CADM2: variants seen among roughly 807,000 people sequenced by gnomAD.
The protein encoded by CADM2 is immunoglobulin superfamily member 4D.
CADM2 carries 12 observed loss-of-function variants against 49.8 expected under a neutral mutation model. The ratio of observed to expected loss-of-function variants is 0.24; its 90% CI spans 0.15 to 0.39. The LOEUF (loss-of-function observed/expected upper bound fraction) is 0.39. CADM2 is among the 10% of genes least tolerant of loss of function. The pLI, the probability that CADM2 is intolerant of heterozygous loss-of-function variation, is 1.00. For synonymous variants in CADM2, 214 were observed against 175.4 expected (o/e 1.22, Z -1.74); for missense variants, 378 against 492.3 (o/e 0.77, Z 2.20).
In CADM2 at chr3:85,541,775, T is replaced by TATATATATATATA. The variant is rs1559897737; in HGVS notation, c.62-184747_62-184746insATATATATATATA. 1.4e-3 allele frequency among the ~76,000 whole-genome samples: 126 copies of TATATATATATATA among 88,296 alleles called. 7 individuals are homozygous for TATATATATATATA. Among genetic ancestry groups the TATATATATATATA allele is most frequent in the South Asian group, 6.9e-3 (19 of 2,770 alleles). The allele number at this position is 88,296 out of a possible 152,430, so 57.9% of individuals were successfully genotyped here. On this transcript the variant is annotated intron_variant, in intron 1 of 9. Coordinates refer to ENST00000383699, the MANE Select transcript of CADM2 (RefSeq NM_001167675.2). The stretch of plus-strand genomic sequence containing the variant: ...ATATTTTATATATATATTTTATATT[T>TATATATATATATA]TATATATATATATATATATGTATAG...
At chr3:85,617,452 C>T (rs969312224) in intron 1 of CADM2, among the ~76,000 whole-genome samples, 1 of 152,096 alleles carries the variant, frequency 6.6e-6, no homozygotes, top group African/African-American at 2.4e-5. Flanking sequence ...TTGCAGTAGC[C>T]CACCATCTCC....
At chr3:85,044,204 C>G (rs975293812) in intron 1 of CADM2, among the ~76,000 whole-genome samples, 1 of 152,112 alleles carries the variant, frequency 6.6e-6, no homozygotes, top group Non-Finnish European at 1.5e-5. Flanking sequence ...AAAATTTGTG[C>G]ATTCCATATG....
intron 1 of CADM2, among the ~76,000 whole-genome samples, chr3:85,475,741 G>A (rs935022290): frequency 1.3e-5 from 2 of 151,790 alleles, no homozygotes; most frequent in African/African-American, 4.8e-5. Context: ...TGCTCAGAGA[G>A]CAAAAACAAA....
chr3:85,151,046 C>CTGTGAG (rs2039906826), intron 1 of CADM2, among the ~76,000 whole-genome samples: 1 of 151,878 alleles, frequency 6.6e-6, no homozygotes, highest in Admixed American at 6.6e-5. Flanking sequence ...GAATTTTCTT[C>CTGTGAG]CAAGTTCTGT....
At chr3:85,121,506 G>T (rs1307378227) in intron 1 of CADM2, among the ~76,000 whole-genome samples, 1 of 152,094 alleles carries the variant, frequency 6.6e-6, no homozygotes, top group African/African-American at 2.4e-5. Flanking sequence ...GGCGAGGCTT[G>T]GATCTGAGAA....
At chr3:85,654,734 C>G (rs1194430457) in intron 1 of CADM2, among the ~76,000 whole-genome samples, 4 of 152,074 alleles carry the variant, frequency 2.6e-5, no homozygotes, top group African/African-American at 9.7e-5. Context: ...TTTGTCACTC[C>G]CGTGAAATAC....
rs376377701 is a variant in CADM2 at position 85,408,986 on chromosome 3, G to A, written c.62-317536G>A. On this transcript the variant is annotated intron_variant, in intron 1 of 9. Coordinates refer to ENST00000383699, the MANE Select transcript of CADM2 (RefSeq NM_001167675.2). ...CAATTTAATGTTTGCAAGCTCTCCA[G>A]AAGTCCTTTTGACATTTTAAGACAA... Among the ~76,000 whole-genome samples, 51 of 152,174 alleles carry A rather than the reference G, an allele frequency of 3.4e-4. 1 individual carries two copies. In the South Asian group the frequency reaches 9.7e-3, roughly 29 times the overall value.
At chr3:85,874,146 T>C (rs1711511173) in intron 3 of CADM2, among the ~76,000 whole-genome samples, 1 of 150,738 alleles carries the variant, frequency 6.6e-6, no homozygotes, top group Non-Finnish European at 1.5e-5. Context: ...CTCTAAGAAG[T>C]TGTTTATTTC....
At chr3:85,425,117 C>T (rs1354070174) in intron 1 of CADM2, among the ~76,000 whole-genome samples, 1 of 152,132 alleles carries the variant, frequency 6.6e-6, no homozygotes, top group African/African-American at 2.4e-5. Flanking sequence ...TCTATTTACT[C>T]AAAAGAGTAG....
At chr3:85,647,284 A>G (rs1335944892) in intron 1 of CADM2, among the ~76,000 whole-genome samples, 2 of 151,794 alleles carry the variant, frequency 1.3e-5, no homozygotes, top group East Asian at 1.9e-4. Context: ...GGGAAATGAA[A>G]CCATTTTGTA....
intron 6 of CADM2, among the ~76,000 whole-genome samples, chr3:85,917,271 G>T (rs974779357): frequency 6.6e-6 from 1 of 152,052 alleles, no homozygotes; most frequent in Non-Finnish European, 1.5e-5. Context: ...GTATTGCCTA[G>T]GTTTTCTTCT....
At chr3:85,589,277 C>T (rs2063035711) in intron 1 of CADM2, among the ~76,000 whole-genome samples, 1 of 152,020 alleles carries the variant, frequency 6.6e-6, no homozygotes, top group Non-Finnish European at 1.5e-5. Flanking sequence ...GGTTTTAGTT[C>T]TCCTGCGGTA....
intron 1 of CADM2, among the ~76,000 whole-genome samples, chr3:85,192,644 A>C (rs181869665): frequency 6.5e-4 from 98 of 151,646 alleles, no homozygotes; most frequent in African/African-American, 2.2e-3. Context: ...AACCTATAAA[A>C]AATCCATAAA....
chr3:85,755,318 T>C (rs7653871), intron 2 of CADM2, among the ~76,000 whole-genome samples: 25,793 of 152,076 alleles, frequency 0.17, 2,619 homozygotes, highest in African/African-American at 0.27. Flanking sequence ...ATTTTTATTA[T>C]AAAGAATACA....
At chr3:85,005,150 C>A (rs1394116763) in intron 1 of CADM2, among the ~76,000 whole-genome samples, 1 of 152,106 alleles carries the variant, frequency 6.6e-6, no homozygotes, top group Non-Finnish European at 1.5e-5. Context: ...CTCTCAGATT[C>A]TGGAGTAGCA....
intron 1 of CADM2, among the ~76,000 whole-genome samples, chr3:85,569,434 A>T (rs1290136556): frequency 6.6e-6 from 1 of 152,170 alleles, no homozygotes; most frequent in East Asian, 1.9e-4. Flanking sequence ...TTTTTGTGTG[A>T]GTATGCTATT....
At chr3:85,622,346 C>T (rs1469556070) in intron 1 of CADM2, among the ~76,000 whole-genome samples, 1 of 152,136 alleles carries the variant, frequency 6.6e-6, no homozygotes, top group Non-Finnish European at 1.5e-5. Context: ...CTACACTACA[C>T]TAATTTTTCA....
chr3:85,123,912 G>A (rs2038944799), intron 1 of CADM2, among the ~76,000 whole-genome samples: 1 of 152,160 alleles, frequency 6.6e-6, no homozygotes, highest in African/African-American at 2.4e-5. Context: ...TATTGCAATA[G>A]GAGACAGAAG....
chr3:85,081,613 A>G (rs1297151324), intron 1 of CADM2, among the ~76,000 whole-genome samples: 1 of 152,158 alleles, frequency 6.6e-6, no homozygotes, highest in Non-Finnish European at 1.5e-5. Context: ...TAATCATCTC[A>G]GTGATTCCTT....
Sources: allele counts gnomAD v4.1 joint callset (sites outside exome capture counted in the v4.1 genomes callset), GRCh38; gene constraint gnomAD v4.1.1; transcripts MANE v1.5; gene names NCBI Gene and HGNC (gene_info 2026-07-23, HGNC 2026-07-21).